Variants in FHIT observed in about 807,000 individuals in gnomAD.
FHIT encodes the protein fragile histidine triad diadenosine triphosphatase.
FHIT carries 19 observed loss-of-function variants against 17.9 expected under a neutral mutation model. That is an observed-to-expected ratio of 1.06 (90% CI 0.74 to 1.56). The LOEUF is 1.56. Among genes scored for constraint, FHIT ranks in the 40% most tolerant of loss-of-function variants. FHIT has a pLI of 0.00. For synonymous variants in FHIT, 81 were observed against 69.7 expected (o/e 1.16, Z -0.81); for missense variants, 248 against 189.2 (o/e 1.31, Z -1.82).
At chr3:59,985,540 G>T (rs1708858509) in intron 7 of FHIT, among the ~76,000 whole-genome samples, 2 of 152,110 alleles carry the variant, frequency 1.3e-5, no homozygotes, top group Admixed American at 6.5e-5. Flanking sequence ...TTTAGAATTT[G>T]CTAAAAGGTA....
chr3:60,965,626 G>A (rs1172796330), intron 3 of FHIT, among the ~76,000 whole-genome samples: 1 of 152,126 alleles, frequency 6.6e-6, no homozygotes, highest in African/African-American at 2.4e-5. Context: ...TGGTGTGGAT[G>A]TCCTTTCTGT....
intron 5 of FHIT, among the ~76,000 whole-genome samples, chr3:60,385,916 C>T (rs943889935): frequency 5.3e-5 from 8 of 152,156 alleles, no homozygotes; most frequent in Non-Finnish European, 1.0e-4. Context: ...GAGATTAACC[C>T]TACCCTGGGG....
intron 4 of FHIT, among the ~76,000 whole-genome samples, chr3:60,737,028 C>T (rs2108000575): frequency 6.6e-6 from 1 of 152,294 alleles, no homozygotes; most frequent in South Asian, 2.1e-4. Context: ...GATCACTTAG[C>T]TTCCTTTGTA....
intron 7 of FHIT, among the ~76,000 whole-genome samples, chr3:59,967,751 T>C (rs1160931801): frequency 6.6e-6 from 1 of 151,930 alleles, no homozygotes; most frequent in African/African-American, 2.4e-5. Context: ...AAATACAACA[T>C]ATAGTATATA....
At chr3:60,896,553 G>C (rs1252049572) in intron 3 of FHIT, among the ~76,000 whole-genome samples, 1 of 152,030 alleles carries the variant, frequency 6.6e-6, no homozygotes, top group Non-Finnish European at 1.5e-5. Context: ...TTTCAGAATT[G>C]TCCCACAAAT....
At chr3:61,230,627 G>A (rs1057284132) in intron 1 of FHIT, among the ~76,000 whole-genome samples, 4 of 152,082 alleles carry the variant, frequency 2.6e-5, no homozygotes, top group African/African-American at 7.2e-5. Flanking sequence ...TTAGACTAGA[G>A]TAAGGATTGC....
chr3:60,026,920 G>A (rs1045350262), intron 5 of FHIT, among the ~76,000 whole-genome samples: 3 of 151,962 alleles, frequency 2.0e-5, no homozygotes, highest in Non-Finnish European at 4.4e-5. Context: ...CCAACATGGT[G>A]CAATCCTGTC....
At chr3:60,604,782 C>G (rs1332059882) in intron 4 of FHIT, among the ~76,000 whole-genome samples, 1 of 152,170 alleles carries the variant, frequency 6.6e-6, no homozygotes, top group Non-Finnish European at 1.5e-5. Context: ...GCCCAGGAAT[C>G]TTGGATCTCT....
chr3:61,172,891 C>G (rs927122092), intron 2 of FHIT, among the ~76,000 whole-genome samples: 3 of 152,156 alleles, frequency 2.0e-5, no homozygotes, highest in East Asian at 1.9e-4. Context: ...TTTCCTTAGT[C>G]AGGGGTCAGA....
intron 5 of FHIT, among the ~76,000 whole-genome samples, chr3:60,249,920 C>G (rs1004755355): frequency 2.6e-5 from 4 of 151,964 alleles, no homozygotes; most frequent in Non-Finnish European, 5.9e-5. Context: ...GGAAGGAGAG[C>G]CTGTACAGAG....
chr3:60,746,552 A>C (rs376528647), intron 4 of FHIT, among the ~76,000 whole-genome samples: 4 of 152,280 alleles, frequency 2.6e-5, no homozygotes, highest in Admixed American at 1.3e-4. Context: ...GTGTCTGCCA[A>C]TCAGTCACAC....
intron 8 of FHIT, among the ~76,000 whole-genome samples, chr3:59,805,909 C>T (rs984109695): frequency 8.5e-5 from 13 of 152,056 alleles, no homozygotes; most frequent in African/African-American, 2.9e-4. Flanking sequence ...AAGCTGGGCG[C>T]GGTGGCTCAT....
At chr3:59,895,966 G>C (rs1023728981) in intron 8 of FHIT, among the ~76,000 whole-genome samples, 3 of 152,112 alleles carry the variant, frequency 2.0e-5, no homozygotes, top group Non-Finnish European at 2.9e-5. Flanking sequence ...TCTTCATCTA[G>C]ATCCTTACAT....
intron 5 of FHIT, among the ~76,000 whole-genome samples, chr3:60,359,555 A>C (rs1699817040): frequency 6.6e-6 from 1 of 152,186 alleles, no homozygotes; most frequent in African/African-American, 2.4e-5. Context: ...CTGGGATTAC[A>C]GGCGTGAGCC....
chr3:61,127,261 G>A (rs1260642625), intron 2 of FHIT, among the ~76,000 whole-genome samples: 2 of 152,176 alleles, frequency 1.3e-5, no homozygotes, highest in Non-Finnish European at 2.9e-5. Flanking sequence ...TGGAGGTGAT[G>A]AGGCATGGTT....
At chr3:61,238,538 T>A (rs183426632) in intron 1 of FHIT, among the ~76,000 whole-genome samples, 2 of 152,256 alleles carry the variant, frequency 1.3e-5, no homozygotes, top group Non-Finnish European at 2.9e-5. Context: ...GTAAAAAGTA[T>A]AAGAAGGAAG....
At chr3:60,156,921 T>G (rs945888518) in intron 5 of FHIT, among the ~76,000 whole-genome samples, 1 of 152,078 alleles carries the variant, frequency 6.6e-6, no homozygotes, top group African/African-American at 2.4e-5. Context: ...AAATGATACT[T>G]CTTCCATATG....
At chr3:60,040,009 C>T (rs910796504) in intron 5 of FHIT, among the ~76,000 whole-genome samples, 10 of 152,144 alleles carry the variant, frequency 6.6e-5, no homozygotes, top group South Asian at 2.1e-4. Flanking sequence ...TATGGAAATA[C>T]AATAATGAGC....
At chr3:61,208,702 A>G (rs1192551477) in intron 1 of FHIT, among the ~76,000 whole-genome samples, 2 of 151,748 alleles carry the variant, frequency 1.3e-5, no homozygotes, top group Admixed American at 6.6e-5. Context: ...TTTTGAGCCT[A>G]TGTGTGTCTC....
Sources: gnomAD v4.1 joint callset for allele counts (sites outside exome capture counted in the v4.1 genomes callset) on GRCh38, gnomAD v4.1.1 for gene constraint, MANE v1.5 for transcripts, NCBI Gene and HGNC (gene_info 2026-07-23, HGNC 2026-07-21) for gene names.